SETD5: variants seen among roughly 807,000 people sequenced by gnomAD.
SETD5 encodes the protein SET domain containing 5.
A neutral mutation model predicts 153.3 loss-of-function variants in SETD5; 44 were observed. The observed-to-expected ratio is 0.29, with a 90% CI of 0.23 to 0.37. The LOEUF (loss-of-function observed/expected upper bound fraction) is 0.37. Among genes scored for constraint, SETD5 ranks in the 10% least tolerant of loss-of-function variants. The probability of loss-of-function intolerance (pLI) is 1.00; values close to 1 mark genes in which losing one functional copy is unlikely to be tolerated. For missense variants in SETD5, 1,544 were observed against 1,768.0 expected (o/e 0.87, Z 2.27); for synonymous variants, 716 against 645.2 (o/e 1.11, Z -1.66).
Position 9,473,491 on chromosome 3 carries a change from ACTT to A in SETD5, c.3456_3458del (p.Ser1154del), listed in dbSNP as rs780398522. On this transcript the variant is annotated inframe_deletion, in exon 20 of 23. Transcript: ENST00000402198. ...GGTAAGCCCATCAGATTCCAGAGGCACTTCTTCATCTCACTGCAGACCTCAAGA... is the reference window on the plus strand; with the variant it reads ...GGTAAGCCCATCAGATTCCAGAGGCACTTCATCTCACTGCAGACCTCAAGA... 6.2e-7 allele frequency: 1 copy of A among 1,613,706 alleles called. No homozygotes were observed. The highest frequency in any genetic ancestry group is 1.3e-5 in the African/African-American group (1 of 74,994).
intron 1 of SETD5, among the ~76,000 whole-genome samples, chr3:9,408,014 T>G (rs888825976): frequency 2.0e-5 from 3 of 151,160 alleles, no homozygotes; most frequent in Non-Finnish European, 4.4e-5. Context: ...AAAAAAAAAT[T>G]AATCTTGTGT....
chr3:9,405,344 A>G (rs1213431582), intron 1 of SETD5, among the ~76,000 whole-genome samples: 1 of 152,214 alleles, frequency 6.6e-6, no homozygotes, highest in Non-Finnish European at 1.5e-5. Flanking sequence ...CTGATTTATG[A>G]CTAAAATAAG....
At chr3:9,445,610 T>C in intron 12 of SETD5, 47 bp from the exon 13 acceptor site, 7 of 1,532,036 alleles carry the variant, frequency 4.6e-6, no homozygotes, top group Non-Finnish European at 6.3e-6. Context: ...ACAGATTGAT[T>C]TTTTCTCAGA....
chr3:9,411,926 A>G (rs148589287), intron 1 of SETD5, among the ~76,000 whole-genome samples: 404 of 152,318 alleles, frequency 2.7e-3, no homozygotes, highest in Non-Finnish European at 4.3e-3. Flanking sequence ...AGTGCTTACT[A>G]TATAAATATA....
chr3:9,399,827 CAA>C (rs33940536), intron 1 of SETD5, among the ~76,000 whole-genome samples: 1,522 of 128,632 alleles, frequency 0.012, 17 homozygotes, highest in Middle Eastern at 0.037. Flanking sequence ...AGCACTGGTC[CAA>C]AAAAAAAAAA....
In SETD5 at chr3:9,470,907, A is replaced by G. The variant is rs1369415988; in HGVS notation, c.3173A>G (p.Gln1058Arg). Residue 1058 changes from glutamine (Q) to arginine (R), a missense_variant, in exon 19 of 23, where the codon CAG (glutamine) becomes CGG (arginine). Gln to Arg is a conservative substitution (Grantham distance 43). Coordinates refer to ENST00000402198, the MANE Select transcript of SETD5 (RefSeq NM_001080517.3). ...TGTGAAGGAGTCCCATCTGCCCCCC[A>G]GAACCCACCACAGAGGAAAAAAGTA... The part of the protein sequence containing the change: ...RACEGVPSAP[Q>R]NPPQRKKVSL... The G allele has an allele frequency of 6.3e-7, 1 of 1,595,088 alleles. No individual in the cohort carries two copies. Among genetic ancestry groups the G allele is most frequent in the Admixed American group, 1.7e-5 (1 of 57,298 alleles).
Position 9,477,627 on chromosome 3 carries a change from C to G in SETD5, c.*1536C>G, listed in dbSNP as rs906913450. On this transcript the variant is annotated 3_prime_UTR_variant, in exon 23 of 23. Transcript: ENST00000402198. ...CTTCTCTCTTTGTGTGTGACTGTTA[C>G]AAAATTTCACTTTTCAAAATCGAAA... The G allele has an allele frequency of 6.6e-6, 1 of 150,440 alleles. No homozygotes were observed. The highest frequency in any genetic ancestry group is 6.6e-5 in the Admixed American group (1 of 15,050). 9.3% of individuals were successfully genotyped at this position (150,440 alleles called of 1,614,324 possible).
intron 15 of SETD5, 71 bp downstream of exon 15, chr3:9,448,077 A>C: frequency 1.4e-6 from 2 of 1,451,030 alleles, no homozygotes; most frequent in Non-Finnish European, 1.9e-6. Context: ...GAGGACCTAT[A>C]ATCCCTAGAA....
intron 1 of SETD5, among the ~76,000 whole-genome samples, chr3:9,417,818 T>C (rs2037742069): frequency 6.6e-6 from 1 of 151,750 alleles, no homozygotes; most frequent in Non-Finnish European, 1.5e-5. Context: ...TTTTATTCTT[T>C]ATTTTTTTCC....
chr3:9,427,400 A>T (rs2039413886), intron 2 of SETD5, among the ~76,000 whole-genome samples: 1 of 152,170 alleles, frequency 6.6e-6, no homozygotes, highest in Non-Finnish European at 1.5e-5. Flanking sequence ...AAGTACAAAA[A>T]TTAGCCAGAC....
intron 18 of SETD5, chr3:9,468,698 A>C: frequency 1.3e-6 from 1 of 745,988 alleles, no homozygotes; most frequent in Admixed American, 2.4e-5. Flanking sequence ...GAGGGCGGCC[A>C]CTCAGTCACA....
intron 1 of SETD5, among the ~76,000 whole-genome samples, chr3:9,411,328 A>G (rs1411386871): frequency 6.6e-6 from 1 of 152,220 alleles, no homozygotes; most frequent in Non-Finnish European, 1.5e-5. Flanking sequence ...TTTGTCATTT[A>G]AAATCCAAGT....
At chr3:9,437,490 G>T (rs1268314407) in intron 7 of SETD5, among the ~76,000 whole-genome samples, 1 of 148,746 alleles carries the variant, frequency 6.7e-6, no homozygotes, top group Non-Finnish European at 1.5e-5. Flanking sequence ...GCCAAAAGGA[G>T]ATTTGATTAT....
chr3:9,475,707 G>A lies in SETD5; in HGVS notation c.3945G>A (p.Thr1315=), dbSNP rs571656928. Residue 1315 remains threonine (T), a synonymous_variant, in exon 23 of 23, where the codon ACG becomes ACA. Coordinates refer to ENST00000402198, the MANE Select transcript of SETD5 (RefSeq NM_001080517.3). The part of the protein sequence containing the change: ...PVSTDSLAPF[T]GTPGYFSSQP... ...CCACAGACTCGTTGGCCCCATTTAC[G>A]GGGACACCAGGGTATTTTAGCAGCC... The A allele has an allele frequency of 1.2e-4, 194 of 1,613,730 alleles. No homozygotes were observed. Among genetic ancestry groups the A allele is most frequent in the Middle Eastern group, 1.6e-4 (1 of 6,082 alleles).
intron 1 of SETD5, among the ~76,000 whole-genome samples, chr3:9,405,794 G>A (rs896105610): frequency 6.6e-5 from 10 of 152,016 alleles, no homozygotes; most frequent in East Asian, 3.9e-4. Context: ...CTTGTTTGTC[G>A]TTTTGTATGA....
chr3:9,449,404 T>C (rs180811114), intron 16 of SETD5: 3 of 152,282 alleles, frequency 2.0e-5, no homozygotes, highest in Admixed American at 2.0e-4. Flanking sequence ...TTTCTAGAAG[T>C]ATAGGACACC....
intron 1 of SETD5, among the ~76,000 whole-genome samples, chr3:9,422,904 A>C (rs1435016049): frequency 6.6e-6 from 1 of 152,212 alleles, no homozygotes; most frequent in Non-Finnish European, 1.5e-5. Flanking sequence ...CACAGCCTCA[A>C]TACAAAGACT....
intron 1 of SETD5, among the ~76,000 whole-genome samples, chr3:9,406,607 C>CAGAAAAAAAAAAAAAA (rs2035731490): frequency 1.0e-5 from 1 of 99,284 alleles, no homozygotes; most frequent in African/African-American, 3.9e-5. Flanking sequence ...GACTCTGTCT[C>CAGAAAAAAAAAAAAAA]AAAAAAAAAA....
intron 17 of SETD5, among the ~76,000 whole-genome samples, chr3:9,459,215 TTA>T (rs2043625058): frequency 6.6e-6 from 1 of 152,154 alleles, no homozygotes; most frequent in African/African-American, 2.4e-5. Context: ...AATGAATTGT[TTA>T]TTAGAATAAT....
Sources: allele counts gnomAD v4.1 joint callset (sites outside exome capture counted in the v4.1 genomes callset), GRCh38; gene constraint gnomAD v4.1.1; transcripts MANE v1.5; gene names NCBI Gene and HGNC (gene_info 2026-07-23, HGNC 2026-07-21).